PUS7L: variants seen among roughly 807,000 people sequenced by gnomAD.
The protein encoded by PUS7L is pseudouridine synthase 7 like.
In PUS7L, 49 loss-of-function variants were observed where a neutral mutation model predicts 51.1. The observed-to-expected ratio is 0.96, with a 90% CI of 0.76 to 1.22. PUS7L has a LOEUF of 1.22. PUS7L is among the 50% of genes most tolerant of loss of function. The pLI is 0.00. For missense variants in PUS7L, 828 were observed against 820.6 expected (o/e 1.01, Z -0.11); for synonymous variants, 277 against 276.2 (o/e 1.00, Z -0.03).
intron 2 of PUS7L, among the ~76,000 whole-genome samples, chr12:43,753,346 T>C (rs1483643800): frequency 6.6e-6 from 1 of 152,222 alleles, no homozygotes; most frequent in Non-Finnish European, 1.5e-5. Flanking sequence ...TTCCCATTTT[T>C]ACATTTGTGA....
intron 1 of PUS7L, 90 bp downstream of exon 1, chr12:43,758,640 A>G (rs1939005520): frequency 2.2e-6 from 2 of 922,738 alleles, no homozygotes; most frequent in Non-Finnish European, 1.3e-6. Context: ...TGGATCCTCA[A>G]TGCCAACCTC....
chr12:43,749,324 T>C (rs999729009), intron 2 of PUS7L, among the ~76,000 whole-genome samples: 1 of 152,176 alleles, frequency 6.6e-6, no homozygotes, highest in East Asian at 1.9e-4. Flanking sequence ...TGTATGTTCA[T>C]TGCAGCGCTA....
At position 43,719,067 on chromosome 12, in the gene PUS7L, A is replaced by T. The variant is rs961219174; in HGVS notation, c.*11309T>A. On this transcript the variant is annotated 3_prime_UTR_variant, in exon 9 of 9. Coordinates refer to ENST00000344862, the MANE Select transcript of PUS7L (RefSeq NM_031292.5). Reference sequence around the variant, plus strand: ...ATATAAAAGTCCTTAAAATTTATTGAAAGTGTAAGTAATATTTTTAGAACA... The same window carrying T: ...ATATAAAAGTCCTTAAAATTTATTGTAAGTGTAAGTAATATTTTTAGAACA... 4 of 151,868 alleles carry T rather than the reference A, an allele frequency of 2.6e-5. No individual in the cohort carries two copies. Among genetic ancestry groups the T allele is most frequent in the African/African-American group, 9.7e-5 (4 of 41,374 alleles). The allele number at this position is 151,868 out of a possible 1,614,324, so 9.4% of individuals were successfully genotyped here. A position where few individuals can be genotyped will look rare whatever the true frequency, so the allele number is the denominator to read the frequency against.
rs911019578 is a variant in PUS7L, at chr12:43,722,026, C to T, written c.*8350G>A. 1 of 152,100 alleles carries T rather than the reference C, an allele frequency of 6.6e-6. No homozygotes were observed. The highest frequency in any genetic ancestry group is 2.4e-5 in the African/African-American group (1 of 41,430). 9.4% of individuals were successfully genotyped at this position (152,100 alleles called of 1,614,324 possible). On this transcript the variant is annotated 3_prime_UTR_variant, in exon 9 of 9. Transcript: ENST00000344862. ...ATGAATTTTGTTTAGACTTGGGTCC[C>T]AACTCTAAGAGTATCTCATTATACA...
intron 2 of PUS7L, among the ~76,000 whole-genome samples, chr12:43,750,321 G>C (rs1938382912): frequency 6.6e-6 from 1 of 152,126 alleles, no homozygotes; most frequent in Non-Finnish European, 1.5e-5. Flanking sequence ...ATATTAATCT[G>C]TATCTACATA....
In PUS7L at chr12:43,730,086, T is replaced by A. The variant is rs531176836; in HGVS notation, c.*290A>T. The A allele has an allele frequency of 2.2e-4, 70 of 311,514 alleles. No individual in the cohort carries two copies. The highest frequency in any genetic ancestry group is 3.8e-4 in the Non-Finnish European group (63 of 167,828). 19.3% of individuals were successfully genotyped at this position (311,514 alleles called of 1,614,324 possible). A position where few individuals can be genotyped will look rare whatever the true frequency, so the allele number is the denominator to read the frequency against. On this transcript the variant is annotated 3_prime_UTR_variant, in exon 9 of 9. Coordinates refer to ENST00000344862, the MANE Select transcript of PUS7L (RefSeq NM_031292.5). ...ATGTTATCTTGCAGTATTATATATA[T>A]TCCTAATGGTTTTAAAAGATTGTAA...
At chr12:43,746,388 C>A in intron 3 of PUS7L, 150 bp from the exon 4 acceptor site, 1 of 509,176 alleles carries the variant, frequency 2.0e-6, no homozygotes, top group Non-Finnish European at 3.4e-6. Flanking sequence ...TGTTATTTCA[C>A]CAAATGTGTG....
intron 5 of PUS7L, among the ~76,000 whole-genome samples, chr12:43,741,770 C>T (rs933093485): frequency 1.2e-4 from 18 of 152,170 alleles, no homozygotes; most frequent in Non-Finnish European, 2.1e-4. Context: ...CAATGCACTA[C>T]GCTTCTCACA....
At chr12:43,733,728 G>A (rs745517075) in intron 7 of PUS7L, among the ~76,000 whole-genome samples, 12 of 152,120 alleles carry the variant, frequency 7.9e-5, no homozygotes, top group Admixed American at 1.3e-4. Context: ...GTTAAGAAAT[G>A]ATAACGATTT....
rs982862130 is a variant in PUS7L at position 43,730,149 on chromosome 12, T to C, written c.*227A>G. 14 of 501,858 alleles carry C rather than the reference T, an allele frequency of 2.8e-5. No homozygotes were observed. Among genetic ancestry groups the C allele is most frequent in the Admixed American group, 3.3e-5 (1 of 29,870 alleles). 31.1% of individuals were successfully genotyped at this position (501,858 alleles called of 1,614,324 possible). A position where few individuals can be genotyped will look rare whatever the true frequency, so the allele number is the denominator to read the frequency against. On this transcript the variant is annotated 3_prime_UTR_variant, in exon 9 of 9. Transcript: ENST00000344862. Reference sequence around the variant, plus strand: ...GAATAAAGGTCACTGAAACATATAATAGAAAAAAAACACAGGCTTTGGGGT... The same window carrying C: ...GAATAAAGGTCACTGAAACATATAACAGAAAAAAAACACAGGCTTTGGGGT...
chr12:43,732,536 GA>G (rs1252420277), intron 7 of PUS7L, among the ~76,000 whole-genome samples: 1 of 151,996 alleles, frequency 6.6e-6, no homozygotes, highest in East Asian at 1.9e-4. Flanking sequence ...CATACAAGAG[GA>G]AAAAAAGGTG....
At position 43,736,602 on chromosome 12, in the gene PUS7L, A is replaced by T. The variant is rs1305233479; in HGVS notation, c.1504T>A (p.Leu502Met). The T allele has an allele frequency of 1.2e-6, 2 of 1,614,090 alleles. No homozygotes were observed. The highest frequency in any genetic ancestry group is 1.3e-5 in the African/African-American group (1 of 74,954). Residue 502 changes from leucine (L) to methionine (M), a missense_variant, in exon 7 of 9, where the codon TTG becomes ATG. Leu to Met is a conservative substitution (Grantham distance 15, BLOSUM62 2). Transcript: ENST00000344862. Reference sequence around the variant, plus strand: ...ATGCCAAAGCGGTGCAATGCCTCCAACAATGCTCTCTCACGCACTTTGAAT... The same window carrying T: ...ATGCCAAAGCGGTGCAATGCCTCCATCAATGCTCTCTCACGCACTTTGAAT... ...PEFKVRERAL[L>M]EALHRFGMTE...
Position 43,729,707 on chromosome 12 carries a change from C to T in PUS7L, c.*669G>A, listed in dbSNP as rs1406622395. ...AGCTAGAATCTAAGAATGAATCTGTCTGACTCTAACACCTGTTTTAGATAA... is the reference window on the plus strand; with the variant it reads ...AGCTAGAATCTAAGAATGAATCTGTTTGACTCTAACACCTGTTTTAGATAA... On this transcript the variant is annotated 3_prime_UTR_variant, in exon 9 of 9. Coordinates refer to ENST00000344862, the MANE Select transcript of PUS7L (RefSeq NM_031292.5). 1 of 152,644 alleles carries T rather than the reference C, an allele frequency of 6.6e-6. No individual in the cohort carries two copies. Among genetic ancestry groups the T allele is most frequent in the African/African-American group, 2.4e-5 (1 of 41,372 alleles). 9.5% of individuals were successfully genotyped at this position (152,644 alleles called of 1,614,324 possible).
At chr12:43,740,010 G>A (rs1041688956) in intron 5 of PUS7L, among the ~76,000 whole-genome samples, 61 of 152,152 alleles carry the variant, frequency 4.0e-4, no homozygotes, top group African/African-American at 1.4e-3. Context: ...TAGGAAAGTA[G>A]CAAGCAGAGG....
chr12:43,751,109 G>A (rs1938418917), intron 2 of PUS7L, among the ~76,000 whole-genome samples: 1 of 152,056 alleles, frequency 6.6e-6, no homozygotes, highest in Non-Finnish European at 1.5e-5. Context: ...GAACTCTTTG[G>A]TTTGGTGGTT....
At chr12:43,730,759 A>T in intron 8 of PUS7L, 57 bp from the exon 9 acceptor site, 1 of 1,160,688 alleles carries the variant, frequency 8.6e-7, no homozygotes, top group South Asian at 1.4e-5. Flanking sequence ...ATACATGATC[A>T]TATTTTTAAT....
chr12:43,733,139 T>C (rs1187694069), intron 7 of PUS7L, among the ~76,000 whole-genome samples: 1 of 151,796 alleles, frequency 6.6e-6, no homozygotes, highest in African/African-American at 2.4e-5. Context: ...CCTAAGTTTT[T>C]AATTGTCTAA....
rs1445751659 is a variant in PUS7L, at chr12:43,721,079, A to C, written c.*9297T>G. The C allele has an allele frequency of 6.6e-6, 1 of 152,176 alleles. No homozygotes were observed. The highest frequency in any genetic ancestry group is 2.4e-5 in the African/African-American group (1 of 41,428). 9.4% of individuals were successfully genotyped at this position (152,176 alleles called of 1,614,324 possible). On this transcript the variant is annotated 3_prime_UTR_variant, in exon 9 of 9. Transcript: ENST00000344862. ...ATTTTCCCCAACTTTCCTTAATGTC[A>C]TAAAGTTTTAGAAATATGCAGATAA...
intron 2 of PUS7L, among the ~76,000 whole-genome samples, chr12:43,749,699 T>C (rs982564492): frequency 3.4e-4 from 52 of 152,202 alleles, no homozygotes; most frequent in African/African-American, 1.2e-3. Flanking sequence ...ATATACACCA[T>C]GAAATACTAC....
Sources: gnomAD v4.1 joint callset for allele counts (sites outside exome capture counted in the v4.1 genomes callset) on GRCh38, gnomAD v4.1.1 for gene constraint, MANE v1.5 for transcripts, NCBI Gene and HGNC (gene_info 2026-07-23, HGNC 2026-07-21) for gene names.